Variants in GALNT9 observed in about 807,000 individuals in gnomAD.
GALNT9 encodes polypeptide N-acetylgalactosaminyltransferase 9.
Under a neutral mutation model 63.1 loss-of-function variants are expected in GALNT9, and 47 were observed. The observed-to-expected ratio is 0.75, with a 90% CI of 0.59 to 0.95. The LOEUF is 0.95. Ranked by LOEUF, GALNT9 falls within the 40% of genes least tolerant of loss-of-function variation. The probability of loss-of-function intolerance (pLI) is 0.00; values close to 1 mark genes in which losing one functional copy is unlikely to be tolerated. For missense variants in GALNT9, 829 were observed against 874.8 expected, an observed-to-expected ratio of 0.95 and a Z score of 0.66; for synonymous variants, 396 against 365.7, an observed-to-expected ratio of 1.08 and a Z score of -0.94.
At chr12:132,270,348 C>T (rs965923066) in intron 2 of GALNT9, among the ~76,000 whole-genome samples, 1 of 152,190 alleles carries the variant, frequency 6.6e-6, no homozygotes, top group Non-Finnish European at 1.5e-5. Flanking sequence ...AGGCAAAGGC[C>T]GGCACAGAAT....
chr12:132,227,687 C>T (rs1326782527), intron 6 of GALNT9, among the ~76,000 whole-genome samples: 5 of 152,142 alleles, frequency 3.3e-5, no homozygotes, highest in African/African-American at 9.7e-5. Flanking sequence ...AGCCCCACTG[C>T]GTTTAATCCT....
chr12:132,300,802 AC>A (rs1487628270), intron 1 of GALNT9, among the ~76,000 whole-genome samples: 1 of 140,842 alleles, frequency 7.1e-6, no homozygotes, highest in Non-Finnish European at 1.5e-5. Context: ...CACCTAACCC[AC>A]CCCCACCACA....
intron 2 of GALNT9, among the ~76,000 whole-genome samples, chr12:132,266,844 C>T (rs1040874654): frequency 5.3e-5 from 8 of 152,198 alleles, no homozygotes; most frequent in Non-Finnish European, 1.0e-4. Flanking sequence ...GGGCCACCAC[C>T]GAGTCGGGCA....
At chr12:132,257,444 A>ACGCCC (rs1214830333) in intron 5 of GALNT9, among the ~76,000 whole-genome samples, 2,161 of 62,938 alleles carry the variant, frequency 0.034, 426 homozygotes, top group South Asian at 0.051. Context: ...CCTCGTCCCC[A>ACGCCC]TGCCCTCATC....
intron 6 of GALNT9, among the ~76,000 whole-genome samples, chr12:132,222,940 C>T (rs1463499891): frequency 6.2e-4 from 88 of 141,076 alleles, no homozygotes; most frequent in South Asian, 9.3e-4. Context: ...ACACCCCACA[C>T]ACACCACACA....
At chr12:132,237,798 G>C (rs143892070) in intron 6 of GALNT9, among the ~76,000 whole-genome samples, 1 of 152,208 alleles carries the variant, frequency 6.6e-6, no homozygotes, top group Non-Finnish European at 1.5e-5. Flanking sequence ...AAGCAAGCCC[G>C]GGACAGCGCT....
rs879960201 is a variant in GALNT9, at chr12:132,252,308, G to A, written c.960-4281C>T. 6.6e-6 allele frequency among the ~76,000 whole-genome samples: 1 copy of A among 152,274 alleles called. No individual in the cohort carries two copies. Among genetic ancestry groups the A allele is most frequent in the Non-Finnish European group, 1.5e-5 (1 of 67,998 alleles). ...AGGCACATGGGCACCTCCTGCAGCC[G>A]CATCCCCGCCACGACTGAAGCCTTC... On this transcript the variant is annotated intron_variant, in intron 5 of 10. Coordinates refer to ENST00000328957, the MANE Select transcript of GALNT9 (RefSeq NM_001122636.2). The surrounding 1 kb of genome is among the most constrained non-coding windows in gnomAD (Gnocchi z 5.2).
intron 6 of GALNT9, among the ~76,000 whole-genome samples, chr12:132,213,961 C>G (rs1027034080): frequency 1.3e-5 from 2 of 152,204 alleles, no homozygotes; most frequent in Admixed American, 1.3e-4. Context: ...CACACCCTCC[C>G]TGCAGCATGA....
At chr12:132,199,053 G>C in intron 9 of GALNT9, 121 bp downstream of exon 9, 2 of 644,006 alleles carry the variant, frequency 3.1e-6, no homozygotes, top group Non-Finnish European at 5.5e-6. Context: ...CTGGAATGCA[G>C]CCCTGGTGGC....
rs1878675546 is a variant in GALNT9 at position 132,245,532 on chromosome 12, C to T, written c.1077+2378G>A. Among the ~76,000 whole-genome samples the T allele has an allele frequency of 6.6e-6, 1 of 151,158 alleles. No individual in the cohort carries two copies. Among genetic ancestry groups the T allele is most frequent in the South Asian group, 2.1e-4 (1 of 4,818 alleles). On this transcript the variant is annotated intron_variant, in intron 6 of 10. Transcript: ENST00000328957. The surrounding 1 kb of genome is among the most constrained non-coding windows in gnomAD (Gnocchi z 6.3). ...CCCTCTGTGGTCCGGCACCCACACC[C>T]CCAGCCCAGCCTGCTGACCCTCGCC... is the stretch of plus-strand genomic sequence containing the variant.
At chr12:132,240,576 C>T (rs1297506533) in intron 6 of GALNT9, 1 of 453,996 alleles carries the variant, frequency 2.2e-6, no homozygotes, top group Non-Finnish European at 4.4e-6. Context: ...CCGTGCGTGG[C>T]CCCGGGGCTC....
At chr12:132,217,813 CCCAT>C (rs140743494) in intron 6 of GALNT9, among the ~76,000 whole-genome samples, 1,535 of 151,798 alleles carry the variant, frequency 0.01, 32 homozygotes, top group African/African-American at 0.036. Flanking sequence ...CGTCCATTCA[CCCAT>C]CCATCCACCC....
At position 132,201,268 on chromosome 12, in the gene GALNT9, G is replaced by C; in HGVS notation, c.1264-7C>G. The C allele has an allele frequency of 6.2e-7, 1 of 1,609,218 alleles. No individual in the cohort carries two copies. Among genetic ancestry groups the C allele is most frequent in the African/African-American group, 1.3e-5 (1 of 74,944 alleles). On this transcript the variant is annotated splice_region_variant and splice_polypyrimidine_tract_variant and intron_variant, in intron 7 of 10. Coordinates refer to ENST00000328957, the MANE Select transcript of GALNT9 (RefSeq NM_001122636.2). The stretch of plus-strand genomic sequence containing the variant: ...CGAAGTCCACCCCTGGGTTCTGCAA[G>C]GCCAGAAGTAGGTGAGAGGGTACAT...
intron 1 of GALNT9, among the ~76,000 whole-genome samples, chr12:132,311,043 T>C (rs1410239596): frequency 1.3e-5 from 2 of 152,132 alleles, no homozygotes; most frequent in East Asian, 1.9e-4. Flanking sequence ...CCAACCTGCC[T>C]CCCGCTGAAA....
rs539598333 is a variant in GALNT9, at chr12:132,257,841, G to C, written c.807C>G (p.Ile269Met). 1 of 1,549,484 alleles carries C rather than the reference G, an allele frequency of 6.5e-7. No individual in the cohort carries two copies. Among genetic ancestry groups the C allele is most frequent in the Non-Finnish European group, 8.7e-7 (1 of 1,146,740 alleles). ...TGATGTTGTCGATGGCTGGCAGCACGATGCGACGCCGGTCCTCTCGGATCC... is the reference window on the plus strand; with the variant it reads ...TGATGTTGTCGATGGCTGGCAGCACCATGCGACGCCGGTCCTCTCGGATCC... The part of the protein sequence containing the change: ...LSRIREDRRR[I>M]VLPAIDNIKY... The change falls in exon 5 of 11, where the codon ATC becomes ATG. Residue 269 changes from isoleucine (I) to methionine (M), a missense_variant. Physicochemically the swap from Ile to Met is conservative, Grantham distance 10 (BLOSUM62 1). Coordinates refer to ENST00000328957, the MANE Select transcript of GALNT9 (RefSeq NM_001122636.2).
Position 132,196,597 on chromosome 12 carries a change from C to T in GALNT9, c.*510G>A. 1 of 987,992 alleles carries T rather than the reference C, an allele frequency of 1.0e-6. No individual in the cohort carries two copies. Among genetic ancestry groups the T allele is most frequent in the Non-Finnish European group, 1.2e-6 (1 of 831,696 alleles). 61.2% of individuals were successfully genotyped at this position (987,992 alleles called of 1,614,324 possible). ...CCTCAGGTTTGTCGCTGTCCATGTC[C>T]TCCAGCACCCCTCTTACCAGACCAC... On this transcript the variant is annotated 3_prime_UTR_variant, in exon 11 of 11. Coordinates refer to ENST00000328957, the MANE Select transcript of GALNT9 (RefSeq NM_001122636.2).
chr12:132,229,979 A>G (rs889709029), intron 6 of GALNT9, among the ~76,000 whole-genome samples: 2 of 152,198 alleles, frequency 1.3e-5, no homozygotes, highest in Non-Finnish European at 2.9e-5. Context: ...AAGAATGCAC[A>G]TTCCCGGACC....
chr12:132,290,198 C>G (rs1200241667), intron 1 of GALNT9, among the ~76,000 whole-genome samples: 1 of 152,116 alleles, frequency 6.6e-6, no homozygotes, highest in Non-Finnish European at 1.5e-5. Context: ...CGATGATGTC[C>G]CTGTTCCCAG....
At chr12:132,207,588 C>T (rs923505404) in intron 6 of GALNT9, among the ~76,000 whole-genome samples, 2 of 152,146 alleles carry the variant, frequency 1.3e-5, no homozygotes, top group Non-Finnish European at 2.9e-5. Context: ...CCCTCGGGTC[C>T]CCCACCGTGT....
Sources: allele counts gnomAD v4.1 joint callset (sites outside exome capture counted in the v4.1 genomes callset), GRCh38; gene constraint gnomAD v4.1.1; non-coding constraint Gnocchi (gnomAD v3.1); transcripts MANE v1.5; gene names NCBI Gene and HGNC (gene_info 2026-07-23, HGNC 2026-07-21).